The following UBR3 variants were observed in gnomAD, a reference collection of about 807,000 sequenced individuals.
UBR3 encodes the protein ubiquitin protein ligase E3 component n-recognin 3.
UBR3 carries 85 observed loss-of-function variants against 243.2 expected under a neutral mutation model. The observed-to-expected ratio is 0.35, with a 90% CI of 0.29 to 0.42. The LOEUF (loss-of-function observed/expected upper bound fraction) is 0.42. UBR3 is among the 10% of genes least tolerant of loss of function. The pLI is 1.00. For synonymous variants in UBR3, 748 were observed against 799.8 expected, an observed-to-expected ratio of 0.94 and a Z score of 1.09; for missense variants, 1,686 against 2,300.8, an observed-to-expected ratio of 0.73 and a Z score of 5.47.
chr2:169,988,119 AC>A (rs1282475273), intron 25 of UBR3, among the ~76,000 whole-genome samples: 1 of 152,222 alleles, frequency 6.6e-6, no homozygotes, highest in Non-Finnish European at 1.5e-5. Flanking sequence ...AGTATTAACT[AC>A]TTTTACAGCT....
At chr2:169,922,025 G>A (rs936225112) in intron 11 of UBR3, among the ~76,000 whole-genome samples, 2 of 151,950 alleles carry the variant, frequency 1.3e-5, no homozygotes, top group East Asian at 3.9e-4. Flanking sequence ...GGTGGTTCAC[G>A]TCTATAATTC....
intron 25 of UBR3, among the ~76,000 whole-genome samples, chr2:169,992,081 T>A (rs2089298392): frequency 6.6e-6 from 1 of 152,148 alleles, no homozygotes; most frequent in South Asian, 2.1e-4. Flanking sequence ...AATTATTGAC[T>A]TTACTACAGA....
chr2:170,049,018 A>T (rs1488162315), intron 32 of UBR3, among the ~76,000 whole-genome samples: 1 of 151,946 alleles, frequency 6.6e-6, no homozygotes, highest in African/African-American at 2.4e-5. Flanking sequence ...ATGTATGTAC[A>T]GTTGACCCTT....
intron 18 of UBR3, among the ~76,000 whole-genome samples, chr2:169,930,721 A>G (rs749032430): frequency 1.3e-5 from 2 of 152,144 alleles, no homozygotes; most frequent in Admixed American, 6.5e-5. Context: ...CTTATCTGTA[A>G]AATAAGTTTT....
chr2:170,069,157 A>G (rs1020996128), intron 35 of UBR3, among the ~76,000 whole-genome samples: 8 of 152,174 alleles, frequency 5.3e-5, no homozygotes, highest in Non-Finnish European at 1.0e-4. Flanking sequence ...TGATAGTTGA[A>G]TGAGGCATTA....
At chr2:170,071,949 T>C (rs2091706714) in intron 35 of UBR3, among the ~76,000 whole-genome samples, 1 of 152,070 alleles carries the variant, frequency 6.6e-6, no homozygotes, top group African/African-American at 2.4e-5. Flanking sequence ...TGTGGAGAAA[T>C]AGGAACACTT....
At chr2:170,026,178 G>A (rs1343829106) in intron 30 of UBR3, among the ~76,000 whole-genome samples, 1 of 151,966 alleles carries the variant, frequency 6.6e-6, no homozygotes. Flanking sequence ...CCAGAGGAAA[G>A]CCAGGAGAGA....
At chr2:169,870,756 C>T (rs148356630) in intron 1 of UBR3, among the ~76,000 whole-genome samples, 8,233 of 151,142 alleles carry the variant, frequency 0.054, 401 homozygotes, top group African/African-American at 0.13. Flanking sequence ...CAGGTTCAAG[C>T]GATTCTCCTG....
chr2:170,008,794 T>C lies in UBR3; in HGVS notation c.4231-10T>C. On this transcript the variant is annotated splice_polypyrimidine_tract_variant and intron_variant, in intron 28 of 38. Transcript: ENST00000272793. ...ATAAACTTTATATGTATGTTTGCAT[T>C]TTTTTATAGTCAGAAACAAATTTAA... 1 of 1,210,222 alleles carries C rather than the reference T, an allele frequency of 8.3e-7. No homozygotes were observed. The highest frequency in any genetic ancestry group is 1.5e-5 in the South Asian group (1 of 65,070). 75.0% of individuals were successfully genotyped at this position (1,210,222 alleles called of 1,614,324 possible). A position where few individuals can be genotyped will look rare whatever the true frequency, so the allele number is the denominator to read the frequency against.
chr2:170,071,923 C>A (rs1015141057), intron 35 of UBR3, among the ~76,000 whole-genome samples: 1 of 152,126 alleles, frequency 6.6e-6, no homozygotes, highest in African/African-American at 2.4e-5. Context: ...CAGGAAACAA[C>A]AGGTGCTGGA....
chr2:169,874,963 C>T (rs966144976), intron 2 of UBR3, among the ~76,000 whole-genome samples: 6 of 150,026 alleles, frequency 4.0e-5, no homozygotes, highest in South Asian at 2.1e-4. Context: ...CTATATTTTT[C>T]GTCTTTAATA....
At chr2:169,863,015 G>T (rs1016652594) in intron 1 of UBR3, among the ~76,000 whole-genome samples, 5 of 152,136 alleles carry the variant, frequency 3.3e-5, no homozygotes, top group African/African-American at 1.2e-4. Context: ...CTTGCCAAAG[G>T]CTTACTTGTA....
chr2:170,042,877 T>C (rs1366046426), intron 32 of UBR3, among the ~76,000 whole-genome samples: 2 of 152,050 alleles, frequency 1.3e-5, no homozygotes, highest in Non-Finnish European at 2.9e-5. Flanking sequence ...TCTGCTAATT[T>C]AATCATTTGT....
chr2:169,830,698 C>G (rs2081904453), intron 1 of UBR3, among the ~76,000 whole-genome samples: 1 of 146,272 alleles, frequency 6.8e-6, no homozygotes. Context: ...GCCTTTGTTT[C>G]TTTCTTTTTA....
At chr2:169,945,719 C>T (rs2086764378) in intron 20 of UBR3, among the ~76,000 whole-genome samples, 1 of 152,092 alleles carries the variant, frequency 6.6e-6, no homozygotes, top group African/African-American at 2.4e-5. Context: ...GTGTAGGTAG[C>T]CCAGAAATCC....
intron 5 of UBR3, among the ~76,000 whole-genome samples, chr2:169,886,883 G>A (rs375394858): frequency 6.6e-6 from 1 of 152,202 alleles, no homozygotes; most frequent in Non-Finnish European, 1.5e-5. Context: ...TCATCTTATT[G>A]TTATAGTCTT....
chr2:169,935,856 AAT>A (rs2086307555), intron 19 of UBR3, among the ~76,000 whole-genome samples: 1 of 152,206 alleles, frequency 6.6e-6, no homozygotes, highest in Non-Finnish European at 1.5e-5. Flanking sequence ...ATTTTGGAAC[AAT>A]TTATTAATCT....
intron 5 of UBR3, among the ~76,000 whole-genome samples, chr2:169,880,761 C>G (rs1202973644): frequency 6.6e-6 from 1 of 152,098 alleles, no homozygotes; most frequent in Non-Finnish European, 1.5e-5. Flanking sequence ...ACTTCTGTTT[C>G]CCGCCTCCAT....
rs539924906 is a variant in UBR3 at position 170,061,235 on chromosome 2, A to G, written c.4893+49A>G. The G allele has an allele frequency of 4.4e-6, 7 of 1,580,234 alleles. No homozygotes were observed. The Admixed American group carries it at 1.3e-4, about 30-fold the overall frequency. On this transcript the variant is annotated intron_variant, in intron 34 of 38. Transcript: ENST00000272793. ...GTAGCGGTTATTTAGTAAAAAATTT[A>G]CATTTTCTTGCCATTATGAATGTAA... is the stretch of plus-strand genomic sequence containing the variant.
Sources: allele counts gnomAD v4.1 joint callset (sites outside exome capture counted in the v4.1 genomes callset), GRCh38; gene constraint gnomAD v4.1.1; transcripts MANE v1.5; gene names NCBI Gene and HGNC (gene_info 2026-07-23, HGNC 2026-07-21).